Variants in NTNG1 observed in about 807,000 individuals in gnomAD.
NTNG1 encodes netrin G1, also known as netrin-G1.
A neutral mutation model predicts 54.0 loss-of-function variants in NTNG1; 16 were observed. The observed-to-expected ratio is 0.30, with a 90% CI of 0.20 to 0.45. The LOEUF (loss-of-function observed/expected upper bound fraction) is 0.45, where lower values mean the gene tolerates loss of function less well. Ranked by LOEUF, NTNG1 falls within the 20% of genes least tolerant of loss-of-function variation. The pLI is 1.00. For missense variants in NTNG1, 530 were observed against 678.7 expected, an observed-to-expected ratio of 0.78 and a Z score of 2.43; for synonymous variants, 255 against 263.1, an observed-to-expected ratio of 0.97 and a Z score of 0.30.
intron 2 of NTNG1, among the ~76,000 whole-genome samples, chr1:107,189,404 A>G (rs1421504609): frequency 6.8e-6 from 1 of 148,088 alleles, no homozygotes; most frequent in Non-Finnish European, 1.5e-5. Context: ...AAGTTTTGGG[A>G]CAAAATGTAA....
chr1:107,216,282 T>C (rs1659953170), intron 2 of NTNG1, among the ~76,000 whole-genome samples: 1 of 152,224 alleles, frequency 6.6e-6, no homozygotes, highest in Admixed American at 6.5e-5. Context: ...TGGCTATAGG[T>C]TTGTCATAGA....
intron 2 of NTNG1, among the ~76,000 whole-genome samples, chr1:107,189,094 G>A (rs1334818241): frequency 6.6e-6 from 1 of 152,038 alleles, no homozygotes; most frequent in Non-Finnish European, 1.5e-5. Context: ...GCTCTCACCT[G>A]TAATCCCAGC....
At chr1:107,382,186 G>C (rs1295240162) in intron 3 of NTNG1, among the ~76,000 whole-genome samples, 3 of 152,128 alleles carry the variant, frequency 2.0e-5, no homozygotes, top group African/African-American at 7.2e-5. Context: ...AGAAGGTATT[G>C]GGGTGTGCAA....
chr1:107,355,579 T>C (rs1669889459), intron 3 of NTNG1, among the ~76,000 whole-genome samples: 1 of 152,142 alleles, frequency 6.6e-6, no homozygotes, highest in South Asian at 2.1e-4. Context: ...AGATATTTGT[T>C]CATTTTTAAC....
chr1:107,221,652 G>A (rs1352335271), intron 2 of NTNG1, among the ~76,000 whole-genome samples: 1 of 152,186 alleles, frequency 6.6e-6, no homozygotes, highest in East Asian at 1.9e-4. Flanking sequence ...GCTGGAGGTG[G>A]AAGGCAAAGC....
chr1:107,460,725 G>A (rs558195497), intron 7 of NTNG1, among the ~76,000 whole-genome samples: 3 of 152,320 alleles, frequency 2.0e-5, no homozygotes, highest in African/African-American at 7.2e-5. Flanking sequence ...CATCCATCAT[G>A]AGGAATGATC....
intron 1 of NTNG1, 50 bp downstream of exon 1, chr1:107,141,190 GGGGT>G (rs1653649719): frequency 6.6e-6 from 1 of 151,938 alleles, no homozygotes; most frequent in Admixed American, 6.6e-5. Context: ...CTCGGTCCTC[GGGGT>G]CCTCTCCCGC....
chr1:107,391,788 G>A (rs1445206713), intron 3 of NTNG1, among the ~76,000 whole-genome samples: 2 of 151,994 alleles, frequency 1.3e-5, no homozygotes, highest in Non-Finnish European at 2.9e-5. Context: ...CCACAATGAG[G>A]GCACCAAGCC....
At chr1:107,402,675 A>G (rs1213591169) in intron 4 of NTNG1, among the ~76,000 whole-genome samples, 1 of 152,148 alleles carries the variant, frequency 6.6e-6, no homozygotes, top group East Asian at 1.9e-4. Flanking sequence ...TGCATCTCCT[A>G]TCAACAGCAG....
At chr1:107,188,724 A>T (rs1468824978) in intron 2 of NTNG1, among the ~76,000 whole-genome samples, 2 of 152,002 alleles carry the variant, frequency 1.3e-5, no homozygotes, top group Admixed American at 1.3e-4. Context: ...TGGTTAATGG[A>T]CCCAGAACCC....
chr1:107,406,652 T>C (rs142910335), intron 4 of NTNG1, among the ~76,000 whole-genome samples: 305 of 152,266 alleles, frequency 2.0e-3, no homozygotes, highest in African/African-American at 7.0e-3. Context: ...TAACAGCATC[T>C]ATCATAATGT....
chr1:107,450,134 G>A (rs1290216658), intron 7 of NTNG1, among the ~76,000 whole-genome samples: 1 of 152,054 alleles, frequency 6.6e-6, no homozygotes, highest in African/African-American at 2.4e-5. Flanking sequence ...AATTTTTAAA[G>A]TCTTGGGATA....
At chr1:107,474,575 A>G (rs934087549) in intron 7 of NTNG1, among the ~76,000 whole-genome samples, 2 of 152,190 alleles carry the variant, frequency 1.3e-5, no homozygotes, top group Admixed American at 1.3e-4. Context: ...ATGCACTATA[A>G]CAGAATACCA....
chr1:107,365,030 C>T (rs556046577), intron 3 of NTNG1, among the ~76,000 whole-genome samples: 7 of 152,106 alleles, frequency 4.6e-5, no homozygotes, highest in Non-Finnish European at 1.0e-4. Context: ...ATTTTGGATA[C>T]ATTAAATTAA....
At position 107,275,379 on chromosome 1, in the gene NTNG1, A is replaced by T. The variant is rs147762243; in HGVS notation, c.247-48903A>T. On this transcript the variant is annotated intron_variant, in intron 2 of 7. Coordinates refer to ENST00000370068, the MANE Select transcript of NTNG1 (RefSeq NM_001113226.3). ...GTGACAGCGAGACTCCGTCTCAAAA[A>T]AAATAAATAAATAAAAATAAATAAA... Among the ~76,000 whole-genome samples, 47 of 152,242 alleles carry T rather than the reference A, an allele frequency of 3.1e-4. No homozygotes were observed. In the East Asian group the frequency reaches 7.9e-3, roughly 26 times the overall value.
At chr1:107,186,079 A>G (rs1274951275) in intron 2 of NTNG1, among the ~76,000 whole-genome samples, 1 of 152,016 alleles carries the variant, frequency 6.6e-6, no homozygotes, top group East Asian at 1.9e-4. Context: ...ATGCATGTGC[A>G]TTATTTAGCT....
At chr1:107,214,326 G>A (rs1659798342) in intron 2 of NTNG1, among the ~76,000 whole-genome samples, 1 of 151,972 alleles carries the variant, frequency 6.6e-6, no homozygotes, top group African/African-American at 2.4e-5. Flanking sequence ...ATACCTTTGT[G>A]TCCTCATAGC....
At chr1:107,209,796 G>A (rs774640097) in intron 2 of NTNG1, among the ~76,000 whole-genome samples, 12 of 152,170 alleles carry the variant, frequency 7.9e-5, no homozygotes, top group Non-Finnish European at 1.6e-4. Flanking sequence ...AGGGAAGGGA[G>A]GCAGGATCCA....
chr1:107,332,777 A>G (rs1008623331), intron 3 of NTNG1, among the ~76,000 whole-genome samples: 3 of 152,092 alleles, frequency 2.0e-5, no homozygotes, highest in Non-Finnish European at 4.4e-5. Context: ...ATATGGGTCT[A>G]TATTTTCAAT....
Sources: allele counts gnomAD v4.1 joint callset (sites outside exome capture counted in the v4.1 genomes callset), GRCh38; gene constraint gnomAD v4.1.1; transcripts MANE v1.5; gene names NCBI Gene and HGNC (gene_info 2026-07-23, HGNC 2026-07-21).